Variants in SSH2 observed in about 807,000 individuals in gnomAD.
SSH2 encodes the protein slingshot protein phosphatase 2, also known as protein phosphatase Slingshot homolog 2.
Under a neutral mutation model 135.2 loss-of-function variants are expected in SSH2, and 37 were observed. That is an observed-to-expected ratio of 0.27 (90% confidence interval 0.21 to 0.36). SSH2 has a LOEUF of 0.36. Among genes scored for constraint, SSH2 ranks in the 10% least tolerant of loss-of-function variants. SSH2 has a pLI of 1.00. For missense variants in SSH2, 1,408 were observed against 1,765.3 expected, an observed-to-expected ratio of 0.80 and a Z score of 3.63; for synonymous variants, 628 against 646.2, an observed-to-expected ratio of 0.97 and a Z score of 0.43.
At chr17:29,741,700 C>G (rs1387465288) in intron 3 of SSH2, among the ~76,000 whole-genome samples, 1 of 150,704 alleles carries the variant, frequency 6.6e-6, no homozygotes, top group Admixed American at 6.6e-5. Context: ...GTTGCAACCT[C>G]CGCCTGCCAG....
chr17:29,691,584 G>C (rs140479104), intron 5 of SSH2, among the ~76,000 whole-genome samples: 1 of 151,488 alleles, frequency 6.6e-6, no homozygotes, highest in South Asian at 2.1e-4. Context: ...TCTGCCTCCC[G>C]GGTTCACACC....
intron 1 of SSH2, among the ~76,000 whole-genome samples, chr17:29,906,632 C>G (rs1052087185): frequency 6.6e-6 from 1 of 152,086 alleles, no homozygotes. Context: ...AGGTTAATAT[C>G]CAGAGTCTAC....
At chr17:29,651,318 C>T (rs1284495091) in intron 12 of SSH2, among the ~76,000 whole-genome samples, 3 of 152,192 alleles carry the variant, frequency 2.0e-5, no homozygotes, top group African/African-American at 7.2e-5. Flanking sequence ...CAATTACTCT[C>T]TCTAAACTAC....
At chr17:29,733,231 C>A (rs1598898394) in intron 3 of SSH2, among the ~76,000 whole-genome samples, 1 of 152,106 alleles carries the variant, frequency 6.6e-6, no homozygotes, top group African/African-American at 2.4e-5. Flanking sequence ...GCAAATCTTG[C>A]GGTACACAGA....
At chr17:29,701,404 C>CTTT (rs55721735) in intron 4 of SSH2, among the ~76,000 whole-genome samples, 11 of 90,338 alleles carry the variant, frequency 1.2e-4, no homozygotes, top group Admixed American at 3.9e-4. Context: ...GTGCCTGGCT[C>CTTT]TTTTTTTTTT....
intron 1 of SSH2, among the ~76,000 whole-genome samples, chr17:29,904,919 T>G (rs1284845263): frequency 2.0e-5 from 3 of 151,834 alleles, no homozygotes; most frequent in African/African-American, 4.8e-5. Flanking sequence ...AAGAATAAAA[T>G]ACCTAGAAAT....
chr17:29,917,811 C>T (rs1039327240), intron 1 of SSH2, among the ~76,000 whole-genome samples: 7 of 151,512 alleles, frequency 4.6e-5, no homozygotes, highest in South Asian at 2.1e-4. Context: ...GCCGAGATTG[C>T]GCCACTGCAC....
intron 3 of SSH2, among the ~76,000 whole-genome samples, chr17:29,773,349 T>C (rs913100525): frequency 2.6e-5 from 4 of 152,198 alleles, no homozygotes; most frequent in Non-Finnish European, 5.9e-5. Flanking sequence ...ATAGAAAATA[T>C]ATATTTAAAA....
Position 29,677,707 on chromosome 17 carries a change from A to G in SSH2, c.514T>C (p.Trp172Arg), listed in dbSNP as rs1490767834. The change falls in exon 7 of 16, where the codon TGG becomes CGG. Residue 172 changes from tryptophan to arginine, a missense_variant. By Grantham distance (101) the Trp-to-Arg change is moderately radical. Transcript: ENST00000540801. ...TCTMGLVLPL[W>R]SDTLIHLDGD... ...TCCAAATGAATTAGCGTGTCGCTCCAGAGAGGCAAAACTAAGCCCATGGTA... is the reference window on the plus strand; with the variant it reads ...TCCAAATGAATTAGCGTGTCGCTCCGGAGAGGCAAAACTAAGCCCATGGTA... 1.2e-6 allele frequency: 2 copies of G among 1,614,140 alleles called. No individual in the cohort carries two copies. The highest frequency in any genetic ancestry group is 2.7e-5 in the African/African-American group (2 of 75,042).
intron 15 of SSH2, 124 bp from the exon 16 acceptor site, chr17:29,633,055 A>G: frequency 1.2e-6 from 1 of 863,384 alleles, no homozygotes; most frequent in Non-Finnish European, 1.8e-6. Flanking sequence ...CAAATCATGG[A>G]GTGCCTGGGA....
intron 11 of SSH2, among the ~76,000 whole-genome samples, chr17:29,660,128 A>G (rs1271932731): frequency 6.6e-6 from 1 of 152,134 alleles, no homozygotes; most frequent in Non-Finnish European, 1.5e-5. Flanking sequence ...ACGCCTGGTC[A>G]GGGCAGACAT....
In SSH2 at chr17:29,753,792, G is replaced by GA. The variant is rs58985020; in HGVS notation, c.188+40101dup. ...TGGGCGATAGAGTGAGACTCTGTCTGAAAAAAAAAAAAAAAAAGAACAAAT... is the reference window on the plus strand; with the variant it reads ...TGGGCGATAGAGTGAGACTCTGTCTGAAAAAAAAAAAAAAAAAAGAACAAAT... On this transcript the variant is annotated intron_variant, in intron 3 of 15. Transcript: ENST00000540801. Among the ~76,000 whole-genome samples, 201 of 120,056 alleles carry GA rather than the reference G, an allele frequency of 1.7e-3. 1 individual carries two copies. Among genetic ancestry groups the GA allele is most frequent in the East Asian group, 3.6e-3 (14 of 3,896 alleles). 78.8% of individuals were successfully genotyped at this position (120,056 alleles called of 152,430 possible).
chr17:29,688,842 T>C (rs1223550809), intron 5 of SSH2, among the ~76,000 whole-genome samples: 1 of 152,088 alleles, frequency 6.6e-6, no homozygotes, highest in Non-Finnish European at 1.5e-5. Context: ...TGTGAGGGGA[T>C]AAACCCAAGA....
chr17:29,785,556 G>C (rs1440650549), intron 3 of SSH2, among the ~76,000 whole-genome samples: 1 of 136,540 alleles, frequency 7.3e-6, no homozygotes. Flanking sequence ...CTGGAGTGCA[G>C]TGGTACCATC....
intron 8 of SSH2, among the ~76,000 whole-genome samples, chr17:29,675,335 G>T (rs1028899909): frequency 6.6e-6 from 1 of 151,982 alleles, no homozygotes; most frequent in African/African-American, 2.4e-5. Context: ...TTTATTTCTT[G>T]TTTTGCTTGC....
rs918194157 is a variant in SSH2 at position 29,885,226 on chromosome 17, G to C, written c.64-36297C>G. ...TGTCTCTGGCTTCCATGCTTTTGCT[G>C]TTCCTCTTTCTTCTCACCAAGTCTT... On this transcript the variant is annotated intron_variant, in intron 1 of 15. Coordinates refer to ENST00000540801, the MANE Select transcript of SSH2 (RefSeq NM_001282129.2). Among the ~76,000 whole-genome samples, 5 of 151,000 alleles carry C rather than the reference G, an allele frequency of 3.3e-5. No individual in the cohort carries two copies. The South Asian group carries it at 6.3e-4, about 19-fold the overall frequency.
intron 1 of SSH2, among the ~76,000 whole-genome samples, chr17:29,902,130 A>G (rs1469050674): frequency 6.6e-6 from 1 of 152,146 alleles, no homozygotes; most frequent in Non-Finnish European, 1.5e-5. Context: ...TCCTTAACTA[A>G]TAAGGCAGAA....
intron 2 of SSH2, among the ~76,000 whole-genome samples, chr17:29,807,886 A>G (rs1159515551): frequency 1.4e-5 from 2 of 139,942 alleles, no homozygotes; most frequent in Admixed American, 7.6e-5. Context: ...AAGCCAATCG[A>G]GAAAAGTTAG....
chr17:29,818,139 T>TGTTATGCA lies in SSH2; in HGVS notation c.145-24210_145-24203dup, dbSNP rs575598919. ...ACAATGTAAGTGCTATATAAATAGT[T>TGTTATGCA]GTTATGCAGTATTTTTATTTGTATT... On this transcript the variant is annotated intron_variant, in intron 2 of 15. Transcript: ENST00000540801. 2.0e-5 allele frequency among the ~76,000 whole-genome samples: 3 copies of TGTTATGCA among 152,220 alleles called. No homozygotes were observed. In the South Asian group the frequency reaches 6.2e-4, roughly 32 times the overall value.
Sources: gnomAD v4.1 joint callset for allele counts (sites outside exome capture counted in the v4.1 genomes callset) on GRCh38, gnomAD v4.1.1 for gene constraint, MANE v1.5 for transcripts, NCBI Gene and HGNC (gene_info 2026-07-23, HGNC 2026-07-21) for gene names.